Variants in RASA1 observed in about 807,000 individuals in gnomAD.
RASA1 encodes the protein RAS p21 protein activator 1.
In RASA1, 25 loss-of-function variants were observed where a neutral mutation model predicts 132.2. That is an observed-to-expected ratio of 0.19 (90% CI 0.14 to 0.26). The LOEUF is 0.26. Among genes scored for constraint, RASA1 ranks in the 10% least tolerant of loss-of-function variants. RASA1 has a pLI of 1.00. For synonymous variants in RASA1, 477 were observed against 449.9 expected, an observed-to-expected ratio of 1.06 and a Z score of -0.76; for missense variants, 964 against 1,299.2, an observed-to-expected ratio of 0.74 and a Z score of 3.97.
chr5:87,350,761 C>G (rs1196346390), intron 8 of RASA1, among the ~76,000 whole-genome samples: 1 of 151,040 alleles, frequency 6.6e-6, no homozygotes, highest in Non-Finnish European at 1.5e-5. Context: ...GTGGCCTTGA[C>G]CATTCCCCCA....
intron 1 of RASA1, among the ~76,000 whole-genome samples, chr5:87,275,324 A>G (rs913572224): frequency 1.3e-5 from 2 of 152,176 alleles, no homozygotes; most frequent in Non-Finnish European, 2.9e-5. Flanking sequence ...TTGGTTATCT[A>G]TTGCTGCATA....
chr5:87,340,561 T>G (rs1758358848), intron 5 of RASA1, among the ~76,000 whole-genome samples: 1 of 152,024 alleles, frequency 6.6e-6, no homozygotes, highest in Non-Finnish European at 1.5e-5. Context: ...TCCATAATAG[T>G]GGAATGAGTA....
chr5:87,346,450 T>TA lies in RASA1; in HGVS notation c.1050-222_1050-221insA, dbSNP rs569038172. Among the ~76,000 whole-genome samples the TA allele has an allele frequency of 2.5e-3, 386 of 152,006 alleles. 1 individual carries two copies. The highest frequency in any genetic ancestry group is 8.8e-3 in the African/African-American group (364 of 41,522). ...CCATTTTTGTATTGGTAATGAAAAT[T>TA]GTAGTTTATATTTGATAGTTTCTAG... On this transcript the variant is annotated intron_variant, in intron 6 of 24. Coordinates refer to ENST00000274376, the MANE Select transcript of RASA1 (RefSeq NM_002890.3).
chr5:87,353,721 G>A (rs1204764421), intron 9 of RASA1, among the ~76,000 whole-genome samples: 2 of 152,112 alleles, frequency 1.3e-5, no homozygotes, highest in African/African-American at 4.8e-5. Context: ...GGAGAGTGAA[G>A]TTGTATGGGG....
At chr5:87,389,928 T>C (rs899357507) in intron 24 of RASA1, among the ~76,000 whole-genome samples, 1 of 152,168 alleles carries the variant, frequency 6.6e-6, no homozygotes, top group Admixed American at 6.5e-5. Context: ...CAAATGATTA[T>C]TATTTGGGAT....
chr5:87,346,390 T>C (rs1305327786), intron 6 of RASA1, among the ~76,000 whole-genome samples: 1 of 151,966 alleles, frequency 6.6e-6, no homozygotes, highest in Non-Finnish European at 1.5e-5. Flanking sequence ...AAAAGACCTA[T>C]AACAGTCTGT....
intron 1 of RASA1, among the ~76,000 whole-genome samples, chr5:87,278,629 T>C (rs1374465973): frequency 6.6e-6 from 1 of 152,216 alleles, no homozygotes; most frequent in East Asian, 1.9e-4. Flanking sequence ...TGCATAACTA[T>C]AGTGCAGTAT....
chr5:87,290,619 A>T (rs886192009), intron 1 of RASA1, among the ~76,000 whole-genome samples: 7 of 152,172 alleles, frequency 4.6e-5, no homozygotes, highest in African/African-American at 7.2e-5. Flanking sequence ...TTCATTGCCT[A>T]AAAATCCTGT....
intron 1 of RASA1, among the ~76,000 whole-genome samples, chr5:87,325,542 A>AGG (rs1241236404): frequency 6.6e-6 from 1 of 152,224 alleles, no homozygotes; most frequent in East Asian, 1.9e-4. Flanking sequence ...TAGTATGATC[A>AGG]GGCACACAGA....
In RASA1 at chr5:87,268,484, C is replaced by T; in HGVS notation, c.33C>T (p.Gly11=). Reference sequence around the variant, plus strand: ...CGGCCGAGGCCGGCAGTGAGGAGGGCGGCCCGGTAACAGCCGGAGCTGGAG... The same window carrying T: ...CGGCCGAGGCCGGCAGTGAGGAGGGTGGCCCGGTAACAGCCGGAGCTGGAG... MMAAEAGSEE[G]GPVTAGAGGG... The change falls in exon 1 of 25, where the codon GGC becomes GGT. Residue 11 remains glycine, a synonymous_variant. Transcript: ENST00000274376. 6.4e-7 allele frequency: 1 copy of T among 1,556,776 alleles called. No individual in the cohort carries two copies. The highest frequency in any genetic ancestry group is 8.7e-7 in the Non-Finnish European group (1 of 1,151,058).
chr5:87,374,272 A>T lies in RASA1; in HGVS notation c.1886A>T (p.His629Leu), dbSNP rs1374522869. Residue 629 changes from histidine to leucine, a missense_variant, in exon 14 of 25, where the codon CAT (histidine) becomes CTT (leucine). Around this residue, in one of 6 missense-constraint regions of RASA1, gnomAD observed 346 missense variants for 520.1 expected, o/e 0.67. Coordinates refer to ENST00000274376, the MANE Select transcript of RASA1 (RefSeq NM_002890.3). ...AATAGTGTCCAAGTAGCAAAAACTC[A>T]TGCAAGGGAAGGGCAAAACCCAGTA... Reference protein sequence around the residue: ...YLNSVQVAKTHAREGQNPVWS... With the variant: ...YLNSVQVAKTLAREGQNPVWS... 1.9e-6 allele frequency: 3 copies of T among 1,604,226 alleles called. No individual in the cohort carries two copies. Among genetic ancestry groups the T allele is most frequent in the Non-Finnish European group, 2.6e-6 (3 of 1,174,014 alleles).
chr5:87,358,383 C>T (rs1159849212), intron 9 of RASA1, among the ~76,000 whole-genome samples: 1 of 152,156 alleles, frequency 6.6e-6, no homozygotes, highest in Non-Finnish European at 1.5e-5. Context: ...TACAATGATG[C>T]CTATTTCAAA....
chr5:87,275,988 G>A (rs891132386), intron 1 of RASA1, among the ~76,000 whole-genome samples: 1 of 152,156 alleles, frequency 6.6e-6, no homozygotes, highest in African/African-American at 2.4e-5. Flanking sequence ...TTCCAATGGT[G>A]AGTGCTGGTC....
Position 87,374,912 on chromosome 5 carries a change from T to A in RASA1, c.2007T>A (p.Asp669Glu). The change falls in exon 15 of 25, where the codon GAT becomes GAA. Residue 669 changes from aspartate (D) to glutamate (E), a missense_variant. By Grantham distance (45) the Asp-to-Glu change is conservative (BLOSUM62 2). Coordinates refer to ENST00000274376, the MANE Select transcript of RASA1 (RefSeq NM_002890.3). ...SNKTKKSKDP[D>E]ILFMRCQLSR... ...AAACAAAGAAAAGCAAAGATCCTGA[T>A]ATCTGTAAGTTGATACAGAAACTTT... 6.2e-7 allele frequency: 1 copy of A among 1,606,464 alleles called. No individual in the cohort carries two copies. The highest frequency in any genetic ancestry group is 8.5e-7 in the Non-Finnish European group (1 of 1,177,458).
chr5:87,334,942 G>T (rs1181696439), intron 4 of RASA1, among the ~76,000 whole-genome samples: 1 of 152,010 alleles, frequency 6.6e-6, no homozygotes, highest in Non-Finnish European at 1.5e-5. Context: ...GGAGTGCAGT[G>T]GCACGATCTT....
At chr5:87,269,395 T>A in intron 1 of RASA1, 1 of 1,321,742 alleles carries the variant, frequency 7.6e-7, no homozygotes. Flanking sequence ...AAGCTTTGAA[T>A]ACAGGTGTTT....
intron 8 of RASA1, among the ~76,000 whole-genome samples, chr5:87,352,434 C>A (rs993998279): frequency 6.6e-6 from 1 of 151,410 alleles, no homozygotes; most frequent in Non-Finnish European, 1.5e-5. Flanking sequence ...GTTTAAAATT[C>A]CAAGATTTCC....
In RASA1 at chr5:87,332,367, A is replaced by G. The variant is rs1361482115; in HGVS notation, c.693-140A>G. On this transcript the variant is annotated intron_variant, in intron 2 of 24. Transcript: ENST00000274376. ...GTAATTTACTGTGATGAAGATACTA[A>G]TAAGTGGTATTTTAGTATAAGGATA... 11 of 822,646 alleles carry G rather than the reference A, an allele frequency of 1.3e-5. No individual in the cohort carries two copies. In the South Asian group the frequency reaches 1.8e-4, roughly 14 times the overall value. 51.0% of individuals were successfully genotyped at this position (822,646 alleles called of 1,614,324 possible). A position where few individuals can be genotyped will look rare whatever the true frequency, so the allele number is the denominator to read the frequency against.
intron 1 of RASA1, among the ~76,000 whole-genome samples, chr5:87,321,091 T>C (rs1469075920): frequency 2.0e-5 from 3 of 152,000 alleles, no homozygotes; most frequent in African/African-American, 7.3e-5. Flanking sequence ...GTAGGAAGGG[T>C]TGGAACAGTA....
Sources: allele counts gnomAD v4.1 joint callset (sites outside exome capture counted in the v4.1 genomes callset), GRCh38; gene constraint gnomAD v4.1.1; regional missense constraint gnomAD v4.1.1; transcripts MANE v1.5; gene names NCBI Gene and HGNC (gene_info 2026-07-23, HGNC 2026-07-21).